The following MID1 variants were observed in gnomAD, a reference collection of about 807,000 sequenced individuals.
MID1 encodes E3 ubiquitin-protein ligase Midline-1.
MID1 carries 7 observed loss-of-function variants against 40.4 expected under a neutral mutation model. The observed-to-expected ratio is 0.17, with a 90% confidence interval of 0.10 to 0.33. The LOEUF is 0.33. Among genes scored for constraint, MID1 ranks in the 10% least tolerant of loss-of-function variants. The probability of loss-of-function intolerance (pLI) is 1.00; values close to 1 mark genes in which losing one functional copy is unlikely to be tolerated. For missense variants in MID1, 367 were observed against 558.5 expected (o/e 0.66, Z 3.46); for synonymous variants, 229 against 221.2 (o/e 1.04, Z -0.31).
At chrX:10,650,154 C>T (rs1314608701) in intron 1 of MID1, among the ~76,000 whole-genome samples, 1 of 111,491 alleles carries the variant, frequency 9.0e-6, no homozygotes, top group African/African-American at 3.3e-5. Context: ...AAGTACTGTT[C>T]GAATTATTTG....
chrX:10,753,990 A>G (rs1239356131), intron 1 of MID1, among the ~76,000 whole-genome samples: 1 of 112,703 alleles, frequency 8.9e-6, no homozygotes, highest in East Asian at 2.8e-4. Flanking sequence ...CAAAAGTCCA[A>G]GTAAAAAATT....
intron 2 of MID1, among the ~76,000 whole-genome samples, chrX:10,529,664 T>A (rs189093947): frequency 8.9e-6 from 1 of 111,757 alleles, no homozygotes; most frequent in East Asian, 2.8e-4. Flanking sequence ...GTTTTATGGA[T>A]CCAGGCTTGT....
chrX:10,663,109 T>G (rs1319774958), intron 1 of MID1, among the ~76,000 whole-genome samples: 2 of 111,894 alleles, frequency 1.8e-5, no homozygotes, highest in Non-Finnish European at 3.8e-5. Flanking sequence ...TCTTTTCTTT[T>G]TTTTTAAAGT....
chrX:10,612,655 T>C (rs1935754451), intron 1 of MID1, among the ~76,000 whole-genome samples: 1 of 112,675 alleles, frequency 8.9e-6, no homozygotes, highest in African/African-American at 3.2e-5. Flanking sequence ...TTGGACAGTA[T>C]TTTCCACTAA....
intron 7 of MID1, among the ~76,000 whole-genome samples, chrX:10,462,367 C>T (rs865898753): frequency 2.7e-5 from 3 of 111,859 alleles, no homozygotes; most frequent in South Asian, 3.7e-4. Flanking sequence ...GTTGGTCTTA[C>T]GCCAGCACCA....
intron 1 of MID1, among the ~76,000 whole-genome samples, chrX:10,813,434 G>C (rs1192610552): frequency 3.6e-5 from 4 of 111,607 alleles, no homozygotes; most frequent in South Asian, 7.5e-4. Flanking sequence ...TTTTTCTAAA[G>C]AAGAGTAAAC....
chrX:10,624,869 C>T (rs754198802), upstream of MID1, among the ~76,000 whole-genome samples: 7 of 111,220 alleles, frequency 6.3e-5, no homozygotes, highest in East Asian at 2.8e-4. Flanking sequence ...CTGCTTCAGC[C>T]GCCAAAAATG....
chrX:10,775,728 C>A (rs1219810319), intron 1 of MID1, among the ~76,000 whole-genome samples: 3 of 111,639 alleles, frequency 2.7e-5, no homozygotes, highest in Non-Finnish European at 3.8e-5. Flanking sequence ...TGAAGATCAG[C>A]AATCTTATGG....
At chrX:10,767,980 T>C (rs2043742522) in intron 1 of MID1, among the ~76,000 whole-genome samples, 3 of 111,853 alleles carry the variant, frequency 2.7e-5, no homozygotes, top group Admixed American at 9.5e-5. Flanking sequence ...GCTAGACAGA[T>C]ACTTGAATGG....
At chrX:10,665,686 C>A (rs1431363485) in intron 1 of MID1, among the ~76,000 whole-genome samples, 1 of 109,590 alleles carries the variant, frequency 9.1e-6, no homozygotes, top group East Asian at 2.9e-4. Context: ...CGCCACCACA[C>A]CCAGCTAATT....
chrX:10,799,565 G>A (rs1039455094), intron 1 of MID1, among the ~76,000 whole-genome samples: 2 of 111,901 alleles, frequency 1.8e-5, no homozygotes, highest in Non-Finnish European at 1.9e-5. Flanking sequence ...AATGAATGCT[G>A]GGCTAATCAA....
intron 1 of MID1, among the ~76,000 whole-genome samples, chrX:10,786,621 T>C (rs781112836): frequency 9.0e-6 from 1 of 110,792 alleles, no homozygotes; most frequent in South Asian, 4.0e-4. Flanking sequence ...ATATACACCA[T>C]GGAATACTAT....
intron 1 of MID1, among the ~76,000 whole-genome samples, chrX:10,732,409 C>T (rs2043455951): frequency 1.8e-5 from 2 of 111,732 alleles, no homozygotes; most frequent in Non-Finnish European, 3.8e-5. Flanking sequence ...GCATGAAATA[C>T]TGGATAATTT....
At chrX:10,660,572 CA>C (rs910363665) in intron 1 of MID1, among the ~76,000 whole-genome samples, 1 of 112,525 alleles carries the variant, frequency 8.9e-6, no homozygotes, top group Non-Finnish European at 1.9e-5. Context: ...TACACAATGA[CA>C]AAGCCCTTTC....
At chrX:10,673,643 T>C (rs774300567) in intron 1 of MID1, among the ~76,000 whole-genome samples, 19 of 111,179 alleles carry the variant, frequency 1.7e-4, no homozygotes, top group African/African-American at 6.2e-4. Flanking sequence ...AGGTAAGCTA[T>C]AGTGAGTTCT....
At chrX:10,661,841 C>T (rs2042915880) in intron 1 of MID1, among the ~76,000 whole-genome samples, 1 of 111,341 alleles carries the variant, frequency 9.0e-6, no homozygotes, top group Admixed American at 9.5e-5. Flanking sequence ...CTCTTTACCC[C>T]GAATTTTCAA....
intron 1 of MID1, among the ~76,000 whole-genome samples, chrX:10,754,303 T>G (rs1215765075): frequency 9.6e-6 from 1 of 104,327 alleles, no homozygotes; most frequent in African/African-American, 4.1e-5. Context: ...AAGAGAGTTT[T>G]TTTTTGTTTT....
intron 1 of MID1, among the ~76,000 whole-genome samples, chrX:10,658,051 G>A (rs111468426): frequency 2.2e-4 from 25 of 111,330 alleles, no homozygotes; most frequent in African/African-American, 7.2e-4. Context: ...CAATTGAGGC[G>A]TCTGAACTGA....
At chrX:10,620,798 C>T (rs1935924850), upstream of MID1, among the ~76,000 whole-genome samples, 1 of 112,382 alleles carries the variant, frequency 8.9e-6, no homozygotes, top group East Asian at 2.8e-4. Context: ...CTGCTAAAAG[C>T]TTAACTAGCT....
Sources: allele counts gnomAD v4.1 joint callset (sites outside exome capture counted in the v4.1 genomes callset), GRCh38; gene constraint gnomAD v4.1.1; transcripts MANE v1.5; gene names NCBI Gene and HGNC (gene_info 2026-07-23, HGNC 2026-07-21).